The following NFIA variants were observed in gnomAD, a reference collection of about 807,000 sequenced individuals.
NFIA encodes nuclear factor 1 A-type.
NFIA carries 8 observed loss-of-function variants against 62.8 expected under a neutral mutation model. That is an observed-to-expected ratio of 0.13 (90% CI 0.07 to 0.23). The LOEUF (loss-of-function observed/expected upper bound fraction) is 0.23. Among genes scored for constraint, NFIA ranks in the 10% least tolerant of loss-of-function variants. The pLI, the probability that NFIA is intolerant of heterozygous loss-of-function variation, is 1.00. For synonymous variants in NFIA, 235 were observed against 238.1 expected, an observed-to-expected ratio of 0.99 and a Z score of 0.12; for missense variants, 410 against 642.1, an observed-to-expected ratio of 0.64 and a Z score of 3.91.
chr1:61,363,128 CAT>C (rs1180702787), intron 6 of NFIA, among the ~76,000 whole-genome samples: 2 of 152,144 alleles, frequency 1.3e-5, no homozygotes, highest in East Asian at 1.9e-4. Flanking sequence ...AACTGAGACT[CAT>C]AAAAGGTCAA....
At chr1:61,352,380 C>G (rs1342395608) in intron 4 of NFIA, 70 bp from the exon 5 acceptor site, 1 of 1,061,040 alleles carries the variant, frequency 9.4e-7, no homozygotes, top group Non-Finnish European at 1.5e-6. Flanking sequence ...AAATGCAACA[C>G]TGAGGATGCT....
At chr1:61,237,861 T>TAA (rs1344463819) in intron 2 of NFIA, among the ~76,000 whole-genome samples, 1 of 152,204 alleles carries the variant, frequency 6.6e-6, no homozygotes, top group African/African-American at 2.4e-5. Context: ...GGAACAGCTG[T>TAA]AAAACCTCTT....
At chr1:61,234,993 T>G (rs945713237) in intron 2 of NFIA, among the ~76,000 whole-genome samples, 1 of 152,178 alleles carries the variant, frequency 6.6e-6, no homozygotes, top group African/African-American at 2.4e-5. Context: ...TCCTGGTAGG[T>G]CCTGTCTTGA....
At chr1:61,448,985 G>A (rs530703029) in intron 10 of NFIA, among the ~76,000 whole-genome samples, 15 of 152,322 alleles carry the variant, frequency 9.8e-5, no homozygotes, top group African/African-American at 1.9e-4. Context: ...GTGTTTTCCC[G>A]TCTTGAGGTC....
At chr1:61,079,131 G>A (rs1235980081), upstream of NFIA, among the ~76,000 whole-genome samples, 1 of 152,164 alleles carries the variant, frequency 6.6e-6, no homozygotes, top group Non-Finnish European at 1.5e-5. Flanking sequence ...TCAGCAACAT[G>A]ATTCAATTTA....
At chr1:61,154,225 T>TGCAACCAAGTGAGCCTTGGCTCACC (rs1648632132) in intron 2 of NFIA, among the ~76,000 whole-genome samples, 1 of 152,196 alleles carries the variant, frequency 6.6e-6, no homozygotes, top group South Asian at 2.1e-4. Context: ...CTTGGCTCAC[T>TGCAACCAAGTGAGCCTTGGCTCACC]GCAACCAAGT....
At chr1:61,258,108 A>G (rs1469205757) in intron 2 of NFIA, among the ~76,000 whole-genome samples, 2 of 152,176 alleles carry the variant, frequency 1.3e-5, no homozygotes, top group African/African-American at 4.8e-5. Flanking sequence ...GATATTCTGA[A>G]TATACCTGTA....
intron 5 of NFIA, among the ~76,000 whole-genome samples, chr1:61,357,298 T>C (rs1194640251): frequency 2.0e-5 from 3 of 152,248 alleles, no homozygotes; most frequent in Non-Finnish European, 2.9e-5. Context: ...CTTGCAGGGC[T>C]TTCTTTGGCT....
chr1:61,338,556 T>C (rs1661738667), intron 4 of NFIA, among the ~76,000 whole-genome samples: 1 of 152,242 alleles, frequency 6.6e-6, no homozygotes, highest in African/African-American at 2.4e-5. Flanking sequence ...ATGCTTAGAT[T>C]TTCAGGCTAG....
At position 61,082,769 on chromosome 1, in the gene NFIA, G is replaced by A. The variant is rs1055228912; in HGVS notation, c.-23G>A. On this transcript the variant is annotated 5_prime_UTR_variant, in exon 1 of 11. Transcript: ENST00000403491. ...CCAAACCGCACACCCAGACGCACAC[G>A]CATACCCCAGCGCCCGGCAGTTATG... 28 of 1,549,676 alleles carry A rather than the reference G, an allele frequency of 1.8e-5. No homozygotes were observed. The highest frequency in any genetic ancestry group is 2.1e-5 in the Non-Finnish European group (24 of 1,146,618).
At position 61,459,925 on chromosome 1, in the gene NFIA, C is replaced by G. The variant is rs1668465421; in HGVS notation, c.*4605C>G. On this transcript the variant is annotated 3_prime_UTR_variant, in exon 11 of 11. Transcript: ENST00000403491. ...TAGTGGTGGTGGAGTCTCTCTCTCT[C>G]TCTCTCTTTTTGTTTGCTTCTGTTT... 6.6e-6 allele frequency: 1 copy of G among 152,196 alleles called. No individual in the cohort carries two copies. The allele number at this position is 152,196 out of a possible 1,614,324, so 9.4% of individuals were successfully genotyped here. A position where few individuals can be genotyped will look rare whatever the true frequency, so the allele number is the denominator to read the frequency against.
chr1:61,214,451 T>G (rs1653479275), intron 2 of NFIA, among the ~76,000 whole-genome samples: 1 of 152,182 alleles, frequency 6.6e-6, no homozygotes, highest in South Asian at 2.1e-4. Flanking sequence ...AAAAGTTGGG[T>G]TAATAATAAA....
At chr1:61,189,330 G>T (rs1218441794) in intron 2 of NFIA, among the ~76,000 whole-genome samples, 1 of 152,134 alleles carries the variant, frequency 6.6e-6, no homozygotes, top group Non-Finnish European at 1.5e-5. Flanking sequence ...TATGGCTTCA[G>T]GCCCTGGAGT....
chr1:61,201,020 T>C (rs1317859791), intron 2 of NFIA, among the ~76,000 whole-genome samples: 3 of 151,394 alleles, frequency 2.0e-5, no homozygotes, highest in Admixed American at 6.6e-5. Flanking sequence ...CAGCAAAGTG[T>C]AAAAGGGAAA....
intron 2 of NFIA, among the ~76,000 whole-genome samples, chr1:61,200,279 T>G (rs944344283): frequency 6.6e-6 from 1 of 151,560 alleles, no homozygotes; most frequent in Admixed American, 6.6e-5. Flanking sequence ...AGTGCCTCAG[T>G]TTCCTCATCT....
chr1:61,243,070 G>A (rs573403334), intron 2 of NFIA, among the ~76,000 whole-genome samples: 78 of 152,064 alleles, frequency 5.1e-4, no homozygotes, highest in African/African-American at 1.8e-3. Context: ...AAAGCTTCTC[G>A]TATGTTTATT....
At chr1:61,258,604 T>A (rs1656569791) in intron 2 of NFIA, among the ~76,000 whole-genome samples, 1 of 152,160 alleles carries the variant, frequency 6.6e-6, no homozygotes, top group African/African-American at 2.4e-5. Context: ...TATGAAACCA[T>A]TGCTGCAGAA....
At chr1:61,201,179 G>A (rs549535453) in intron 2 of NFIA, among the ~76,000 whole-genome samples, 5 of 152,182 alleles carry the variant, frequency 3.3e-5, no homozygotes, top group African/African-American at 7.2e-5. Context: ...CCCTGATAGC[G>A]TAAAGAATCA....
upstream of NFIA, chr1:61,082,525 T>C: frequency 7.5e-7 from 1 of 1,329,920 alleles, no homozygotes; most frequent in Non-Finnish European, 9.6e-7. Context: ...CCGCGTACAG[T>C]AGGCATGTAT....
Sources: gnomAD v4.1 joint callset for allele counts (sites outside exome capture counted in the v4.1 genomes callset) on GRCh38, gnomAD v4.1.1 for gene constraint, MANE v1.5 for transcripts, NCBI Gene and HGNC (gene_info 2026-07-23, HGNC 2026-07-21) for gene names.